The following PRH1 variants were observed in gnomAD, a reference collection of about 807,000 sequenced individuals.
The protein encoded by PRH1 is salivary acidic proline-rich phosphoprotein 1/2.
In PRH1, 7 loss-of-function variants were observed where a neutral mutation model predicts 7.9. The ratio of observed to expected loss-of-function variants is 0.89; its 90% CI spans 0.50 to 1.67. PRH1 has a LOEUF of 1.67. PRH1 is among the 40% of genes most tolerant of loss of function. The pLI, the probability that PRH1 is intolerant of heterozygous loss-of-function variation, is 0.00. For missense variants in PRH1, 109 were observed against 223.6 expected (o/e 0.49, Z 3.27); for synonymous variants, 45 against 80.8 (o/e 0.56, Z 2.38).
intron 1 of PRH1, among the ~76,000 whole-genome samples, chr12:11,154,928 T>C (rs2136437399): frequency 7.8e-6 from 1 of 128,732 alleles, no homozygotes; most frequent in Middle Eastern, 3.8e-3. Context: ...AAGAGCGATA[T>C]ATTTTCAGTA....
intron 1 of PRH1, among the ~76,000 whole-genome samples, chr12:11,126,682 T>C (rs919081700): frequency 6.6e-6 from 1 of 152,188 alleles, no homozygotes; most frequent in African/African-American, 2.4e-5. Context: ...TGCACTGATT[T>C]ACAATTCTAG....
At position 11,080,505 on chromosome 12, in the gene PRH1, C is replaced by G. The variant is rs1565631985; in HGVS notation, n.124-33317G>C. On this transcript the variant is annotated intron_variant and non_coding_transcript_variant, in intron 1 of 4. Transcript: ENST00000541977. ...TACCTGGGTGTGAAATTACAGGGTC[C>G]TTGATAAACGTTCACATTCTCCTCA... 1.7e-5 allele frequency among the ~76,000 whole-genome samples: 2 copies of G among 115,622 alleles called. 1 individual carries two copies. Among genetic ancestry groups the G allele is most frequent in the South Asian group, 4.6e-4 (2 of 4,306 alleles). The allele number at this position is 115,622 out of a possible 152,430, so 75.9% of individuals were successfully genotyped here.
chr12:10,911,089 T>G (rs1237022431), intron 2 of PRH1, among the ~76,000 whole-genome samples: 1 of 152,242 alleles, frequency 6.6e-6, no homozygotes, highest in Non-Finnish European at 1.5e-5. Flanking sequence ...CTATGTGGCA[T>G]GTGGTCTTCC....
chr12:11,049,647 G>A (rs796863376), upstream of PRH1, among the ~76,000 whole-genome samples: 1 of 151,954 alleles, frequency 6.6e-6, no homozygotes, highest in Non-Finnish European at 1.5e-5. Flanking sequence ...CATAATTTGT[G>A]TCCAGCATCG....
chr12:10,890,765 C>T (rs1290657403), intron 2 of PRH1, among the ~76,000 whole-genome samples: 2 of 143,840 alleles, frequency 1.4e-5, no homozygotes, highest in African/African-American at 2.6e-5. Flanking sequence ...TTGTCCTAGT[C>T]ATTTGGGTGG....
chr12:11,070,091 C>T (rs1232762780), intron 1 of PRH1, among the ~76,000 whole-genome samples: 30 of 152,230 alleles, frequency 2.0e-4, no homozygotes, highest in Non-Finnish European at 3.2e-4. Context: ...TGTCAGGTGG[C>T]CATCAGCTGA....
intron 1 of PRH1, chr12:11,061,751 G>C: frequency 6.2e-7 from 1 of 1,614,066 alleles, no homozygotes; most frequent in South Asian, 1.1e-5. Flanking sequence ...AAGTTTGCTA[G>C]GATGGTTACC....
At chr12:11,008,658 C>G (rs1426083288) in intron 1 of PRH1, among the ~76,000 whole-genome samples, 1 of 131,392 alleles carries the variant, frequency 7.6e-6, no homozygotes, top group Admixed American at 7.9e-5. Context: ...GCTTCCTGGA[C>G]TTAACATTAT....
Position 10,965,218 on chromosome 12 carries a change from G to A in PRH1, c.-59+8437C>T. The A allele has an allele frequency of 2.7e-6, 4 of 1,484,842 alleles. No individual in the cohort carries two copies. The South Asian group carries it at 4.5e-5, about 17-fold the overall frequency. The allele number at this position is 1,484,842 out of a possible 1,614,324, so 92.0% of individuals were successfully genotyped here. ...AGACTGCCAGAGCAGTGAGAATTTG[G>A]TCAGCAAAGGAGATCTTTTGTCTCT... is the stretch of plus-strand genomic sequence containing the variant. On this transcript the variant is annotated intron_variant, in intron 2 of 3. Coordinates refer to the PRH1 transcript ENST00000539853.
At chr12:10,964,822 C>A (rs1294047767) in intron 2 of PRH1, 1 of 561,410 alleles carries the variant, frequency 1.8e-6, no homozygotes, top group South Asian at 1.7e-5. Context: ...TGGTTACAGT[C>A]ATATCTGAAA....
intron 2 of PRH1, among the ~76,000 whole-genome samples, chr12:10,954,155 A>G (rs1937832931): frequency 6.6e-6 from 1 of 152,180 alleles, no homozygotes; most frequent in African/African-American, 2.4e-5. Flanking sequence ...CCATAACAAA[A>G]TCACACTTAA....
intron 1 of PRH1, among the ~76,000 whole-genome samples, chr12:11,072,203 T>C (rs1431078042): frequency 6.6e-6 from 1 of 152,146 alleles, no homozygotes; most frequent in Non-Finnish European, 1.5e-5. Context: ...CCCAGGGTGG[T>C]CTGGAACTCC....
Position 11,059,684 on chromosome 12 carries a change from T to C in PRH1, n.124-12496A>G, listed in dbSNP as rs576846865. On this transcript the variant is annotated intron_variant and non_coding_transcript_variant, in intron 1 of 4. Coordinates refer to the PRH1 transcript ENST00000541977. ...ATACAGTTGCATCAAGACTATATTA[T>C]TGTCATATTTCCCCTAAAATTGTGG... Among the ~76,000 whole-genome samples the C allele has an allele frequency of 2.2e-5, 3 of 137,610 alleles. No homozygotes were observed. In the East Asian group the frequency reaches 6.2e-4, roughly 29 times the overall value. 90.3% of individuals were successfully genotyped at this position (137,610 alleles called of 152,430 possible). A position where few individuals can be genotyped will look rare whatever the true frequency, so the allele number is the denominator to read the frequency against.
intron 1 of PRH1, among the ~76,000 whole-genome samples, chr12:11,126,189 A>G (rs1267186203): frequency 2.6e-5 from 4 of 152,256 alleles, no homozygotes; most frequent in African/African-American, 4.8e-5. Flanking sequence ...GACACTCCCC[A>G]TATACACCTT....
At chr12:11,035,222 G>A (rs1397276940) in intron 1 of PRH1, among the ~76,000 whole-genome samples, 1 of 150,882 alleles carries the variant, frequency 6.6e-6, no homozygotes, top group Non-Finnish European at 1.5e-5. Context: ...TATCACTTTT[G>A]GAAAAATCTC....
intron 1 of PRH1, among the ~76,000 whole-genome samples, chr12:11,060,578 T>G (rs568255528): frequency 6.6e-6 from 1 of 152,256 alleles, no homozygotes; most frequent in African/African-American, 2.4e-5. Flanking sequence ...ATGACTTTTC[T>G]AACTACATAT....
chr12:11,066,095 CAG>C (rs1478180780), intron 1 of PRH1, among the ~76,000 whole-genome samples: 1 of 152,058 alleles, frequency 6.6e-6, no homozygotes, highest in East Asian at 1.9e-4. Context: ...AAGAGTAAAA[CAG>C]TACATACAAG....
chr12:11,042,596 G>C (rs190955641), intron 1 of PRH1, among the ~76,000 whole-genome samples: 2 of 136,396 alleles, frequency 1.5e-5, no homozygotes, highest in East Asian at 4.6e-4. Flanking sequence ...AAAAAATAGA[G>C]AAAGAGGGAC....
chr12:11,063,479 ACT>A (rs1943695040), intron 1 of PRH1, among the ~76,000 whole-genome samples: 1 of 151,984 alleles, frequency 6.6e-6, no homozygotes, highest in African/African-American at 2.4e-5. Flanking sequence ...AATTGGCCAA[ACT>A]CTAACTACTA....
Sources: allele counts gnomAD v4.1 joint callset (sites outside exome capture counted in the v4.1 genomes callset), GRCh38; gene constraint gnomAD v4.1.1; transcripts MANE v1.5; gene names NCBI Gene and HGNC (gene_info 2026-07-23, HGNC 2026-07-21).